The following C6 variants were observed in gnomAD, a reference collection of about 807,000 sequenced individuals.
The protein encoded by C6 is complement C6, also known as complement component C6.
Under a neutral mutation model 112.9 loss-of-function variants are expected in C6, and 101 were observed. That is an observed-to-expected ratio of 0.89 (90% CI 0.76 to 1.06). C6 has a LOEUF of 1.06. Ranked by LOEUF, C6 falls within the 50% of genes least tolerant of loss-of-function variation. C6 has a pLI of 0.00. For synonymous variants in C6, 431 were observed against 384.1 expected, an observed-to-expected ratio of 1.12 and a Z score of -1.43; for missense variants, 1,202 against 1,104.6, an observed-to-expected ratio of 1.09 and a Z score of -1.25.
chr5:41,239,851 T>C (rs150790519), intron 1 of C6, among the ~76,000 whole-genome samples: 1 of 152,202 alleles, frequency 6.6e-6, no homozygotes, highest in Non-Finnish European at 1.5e-5. Context: ...TATTTCTCTT[T>C]CATTTATGAA....
rs1199839493 is a variant in C6 at position 41,172,268 on chromosome 5, C to T, written c.1248G>A (p.Val416=). 9.9e-6 allele frequency: 16 copies of T among 1,613,568 alleles called. No individual in the cohort carries two copies. The highest frequency in any genetic ancestry group is 1.3e-5 in the Non-Finnish European group (15 of 1,179,742). Reference sequence around the variant, plus strand: ...GCTTGTTGGTGGTGCACCTATGTTCCACTTTTGTTTTCTTAGCAAATAAAA... The same window carrying T: ...GCTTGTTGGTGGTGCACCTATGTTCTACTTTTGTTTTCTTAGCAAATAAAA... The part of the protein sequence containing the change: ...KRVLFAKKTK[V]EHRCTTNKLS... Residue 416 remains valine, a synonymous_variant, in exon 9 of 18, where the codon GTG becomes GTA. Transcript: ENST00000337836.
At chr5:41,144,615 T>C (rs1745643847) in intron 17 of C6, among the ~76,000 whole-genome samples, 1 of 152,160 alleles carries the variant, frequency 6.6e-6, no homozygotes, top group South Asian at 2.1e-4. Context: ...GTTTCAGGGA[T>C]ACATGTGTTA....
chr5:41,225,411 G>A (rs1436484414), intron 1 of C6, among the ~76,000 whole-genome samples: 5 of 152,114 alleles, frequency 3.3e-5, no homozygotes, highest in South Asian at 4.2e-4. Flanking sequence ...CATTTTTTAC[G>A]GCTGCATAGT....
chr5:41,240,947 T>C (rs1213332112), intron 1 of C6, among the ~76,000 whole-genome samples: 1 of 152,146 alleles, frequency 6.6e-6, no homozygotes, highest in Non-Finnish European at 1.5e-5. Context: ...TATTGGGCTG[T>C]TATTAGAGCC....
At chr5:41,234,361 TTTG>T (rs1432387343) in intron 1 of C6, among the ~76,000 whole-genome samples, 2 of 140,472 alleles carry the variant, frequency 1.4e-5, no homozygotes, top group African/African-American at 6.2e-5. Flanking sequence ...TTTTTTGTTT[TTTG>T]TTTTTTTTTT....
At chr5:41,158,841 G>T in intron 12 of C6, 56 bp from the exon 13 acceptor site, 13 of 1,063,748 alleles carry the variant, frequency 1.2e-5, no homozygotes, top group Non-Finnish European at 1.9e-5. Context: ...ACATTTACAT[G>T]TGTGTATATG....
intron 6 of C6, among the ~76,000 whole-genome samples, chr5:41,184,368 G>A (rs1326644386): frequency 1.3e-5 from 2 of 152,076 alleles, no homozygotes; most frequent in Admixed American, 6.6e-5. Flanking sequence ...GGCCGCCTCC[G>A]ACTATAAGAG....
chr5:41,189,371 C>T (rs2150341186), intron 5 of C6, among the ~76,000 whole-genome samples: 1 of 151,976 alleles, frequency 6.6e-6, no homozygotes, highest in South Asian at 2.1e-4. Context: ...TAGGAACAAA[C>T]CAAATGTTCA....
At chr5:41,201,915 T>C (rs1008166614) in intron 2 of C6, among the ~76,000 whole-genome samples, 3 of 151,958 alleles carry the variant, frequency 2.0e-5, no homozygotes, top group African/African-American at 7.3e-5. Flanking sequence ...CAGCATAAAA[T>C]GAAAATGGGA....
At chr5:41,200,891 G>GTTGTTTTTTTTT (rs1447605950) in intron 3 of C6, among the ~76,000 whole-genome samples, 1 of 70,670 alleles carries the variant, frequency 1.4e-5, no homozygotes. Flanking sequence ...TGTTGTTGTT[G>GTTGTTTTTTTTT]TTTTTTTTTT....
chr5:41,169,420 C>T (rs917587248), intron 9 of C6, among the ~76,000 whole-genome samples: 1 of 152,062 alleles, frequency 6.6e-6, no homozygotes, highest in Admixed American at 6.6e-5. Flanking sequence ...AAATTGAAAA[C>T]TGAAACCCAG....
chr5:41,232,274 C>A (rs111907754), intron 1 of C6, among the ~76,000 whole-genome samples: 1 of 152,048 alleles, frequency 6.6e-6, no homozygotes, highest in African/African-American at 2.4e-5. Flanking sequence ...GTCTTAGTAG[C>A]CCTTACTCAC....
At chr5:41,214,190 A>G (rs964934536), upstream of C6, among the ~76,000 whole-genome samples, 1 of 152,244 alleles carries the variant, frequency 6.6e-6, no homozygotes, top group African/African-American at 2.4e-5. Context: ...TTTCTGCACT[A>G]AGCAGCTACC....
chr5:41,173,004 T>A (rs1407521345), intron 8 of C6, among the ~76,000 whole-genome samples: 1 of 152,184 alleles, frequency 6.6e-6, no homozygotes, highest in Non-Finnish European at 1.5e-5. Context: ...ACCTATGAAT[T>A]ATTTTCAGAC....
chr5:41,222,165 CAA>C (rs111738334), intron 1 of C6, among the ~76,000 whole-genome samples: 1 of 110,198 alleles, frequency 9.1e-6, no homozygotes, highest in African/African-American at 3.1e-5. Flanking sequence ...GACTCCATCT[CAA>C]AAAAAAAAAA....
chr5:41,153,969 C>A lies in C6; in HGVS notation c.2131G>T (p.Glu711Ter), dbSNP rs1274837436. 1 of 1,613,808 alleles carries A rather than the reference C, an allele frequency of 6.2e-7. No individual in the cohort carries two copies. Among genetic ancestry groups the A allele is most frequent in the South Asian group, 1.1e-5 (1 of 91,076 alleles). The change falls in exon 15 of 18, where the codon GAA becomes TAA. Residue 711 changes from glutamate (E) to a stop codon, truncating the protein, a stop_gained. Coordinates refer to ENST00000337836, the MANE Select transcript of C6 (RefSeq NM_000065.5). LOFTEE classifies it high-confidence loss of function. ...TGAAATGGTGTAATTGTCAGGACTTCCTGCACAACTGGCTTGATGCACTCC... is the reference window on the plus strand; with the variant it reads ...TGAAATGGTGTAATTGTCAGGACTTACTGCACAACTGGCTTGATGCACTCC... ...RTECIKPVVQ[E>*]VLTITPFQRL...
At chr5:41,206,130 A>T (rs1231262882) in intron 1 of C6, among the ~76,000 whole-genome samples, 2 of 151,334 alleles carry the variant, frequency 1.3e-5, no homozygotes, top group African/African-American at 4.9e-5. Flanking sequence ...CCTCCAGCAA[A>T]CTCCAACAGA....
At chr5:41,164,456 G>C (rs565340265) in intron 9 of C6, among the ~76,000 whole-genome samples, 1 of 152,296 alleles carries the variant, frequency 6.6e-6, no homozygotes, top group South Asian at 2.1e-4. Flanking sequence ...GCATGAGTTT[G>C]AGTTGAAATG....
rs562534236 is a variant in C6, at chr5:41,247,397, C to T, written c.-21+13797G>A. On this transcript the variant is annotated intron_variant, in intron 1 of 17. Transcript: ENST00000263413. ...TTACTATACATTAATAATGTTCAAG[C>T]TGAGGACCAAATCAAGAATGCTATC... 7.2e-5 allele frequency among the ~76,000 whole-genome samples: 11 copies of T among 152,088 alleles called. No individual in the cohort carries two copies. In the East Asian group the frequency reaches 2.1e-3, roughly 29 times the overall value.
Sources: allele counts gnomAD v4.1 joint callset (sites outside exome capture counted in the v4.1 genomes callset), GRCh38; gene constraint gnomAD v4.1.1; transcripts MANE v1.5; gene names NCBI Gene and HGNC (gene_info 2026-07-23, HGNC 2026-07-21).